Variants in ANKS1B observed in about 807,000 individuals in gnomAD.
ANKS1B encodes the protein ankyrin repeat and sterile alpha motif domain containing 1B, also known as ankyrin repeat and sterile alpha motif domain-containing protein 1B.
In ANKS1B, 36 loss-of-function variants were observed where a neutral mutation model predicts 148.3. The observed-to-expected ratio is 0.24, with a 90% CI of 0.19 to 0.32. ANKS1B has a LOEUF of 0.32. Among genes scored for constraint, ANKS1B ranks in the 10% least tolerant of loss-of-function variants. The pLI, the probability that ANKS1B is intolerant of heterozygous loss-of-function variation, is 1.00. For synonymous variants in ANKS1B, 542 were observed against 560.8 expected (o/e 0.97, Z 0.47); for missense variants, 1,157 against 1,542.6 (o/e 0.75, Z 4.19).
chr12:98,790,908 G>C (rs894406188), intron 22 of ANKS1B, among the ~76,000 whole-genome samples: 7 of 152,194 alleles, frequency 4.6e-5, no homozygotes, highest in Non-Finnish European at 8.8e-5. Flanking sequence ...ATCTTTCAGT[G>C]ATGTGAAGTA....
intron 11 of ANKS1B, among the ~76,000 whole-genome samples, chr12:99,411,515 T>C (rs1044517576): frequency 6.6e-6 from 1 of 152,204 alleles, no homozygotes; most frequent in African/African-American, 2.4e-5. Context: ...AATAAACATA[T>C]GAGTGCAGGT....
At chr12:99,003,921 T>TG (rs145018614) in intron 17 of ANKS1B, among the ~76,000 whole-genome samples, 2,062 of 152,266 alleles carry the variant, frequency 0.014, 44 homozygotes, top group African/African-American at 0.047. Context: ...CTCATGCTGC[T>TG]GGGGGATGGT....
chr12:98,966,176 T>C (rs1219570414), intron 17 of ANKS1B, among the ~76,000 whole-genome samples: 1 of 152,094 alleles, frequency 6.6e-6, no homozygotes, highest in Admixed American at 6.5e-5. Flanking sequence ...ATCCAGAATC[T>C]ACAAAGAACT....
chr12:98,839,119 C>T (rs1321792314), intron 17 of ANKS1B, among the ~76,000 whole-genome samples: 1 of 152,200 alleles, frequency 6.6e-6, no homozygotes, highest in Admixed American at 6.5e-5. Context: ...AAAGTCATGA[C>T]ATTTGGTTCT....
rs1186895656 is a variant in ANKS1B, at chr12:99,755,518, CA to C, written c.1128+17403del. ...TATGAGGCCAACATCATCCTGATAC[CA>C]AAACCTGGCAAAGATACCACAAAAA... is the stretch of plus-strand genomic sequence containing the variant. On this transcript the variant is annotated intron_variant, in intron 8 of 26. Transcript: ENST00000683438. Among the ~76,000 whole-genome samples, 15 of 148,442 alleles carry C rather than the reference CA, an allele frequency of 1.0e-4. No individual in the cohort carries two copies. In the Admixed American group the frequency reaches 1.0e-3, roughly 10 times the overall value.
intron 2 of ANKS1B, among the ~76,000 whole-genome samples, chr12:99,821,499 A>G (rs2082496130): frequency 6.6e-6 from 1 of 151,848 alleles, no homozygotes; most frequent in Admixed American, 6.6e-5. Context: ...GCCATGGGCC[A>G]TAGAAAAACA....
At chr12:99,745,226 A>G (rs1194855503) in intron 8 of ANKS1B, among the ~76,000 whole-genome samples, 1 of 152,170 alleles carries the variant, frequency 6.6e-6, no homozygotes, top group Non-Finnish European at 1.5e-5. Flanking sequence ...AATTGTGCAT[A>G]AGTGCACATG....
chr12:98,968,217 A>G (rs929256445), intron 17 of ANKS1B, among the ~76,000 whole-genome samples: 20 of 152,180 alleles, frequency 1.3e-4, no homozygotes, highest in Admixed American at 5.2e-4. Context: ...AGCCAGAGGT[A>G]AAAACAACAA....
chr12:99,718,190 G>A (rs908230919), intron 8 of ANKS1B, among the ~76,000 whole-genome samples: 16 of 152,186 alleles, frequency 1.1e-4, no homozygotes, highest in South Asian at 4.2e-4. Flanking sequence ...GTGAGCCACC[G>A]CGCCCAGCCG....
At chr12:98,759,278 A>C (rs1263893834) in intron 25 of ANKS1B, among the ~76,000 whole-genome samples, 1 of 152,158 alleles carries the variant, frequency 6.6e-6, no homozygotes, top group Non-Finnish European at 1.5e-5. Context: ...ACAGATATTT[A>C]CCAAGCTCCT....
chr12:99,666,854 T>TGG (rs34364839), intron 8 of ANKS1B, among the ~76,000 whole-genome samples: 1,898 of 118,942 alleles, frequency 0.016, 15 homozygotes, highest in Non-Finnish European at 0.023. Context: ...ATAGTTACTA[T>TGG]GGGGTGTGTG....
At chr12:99,234,934 G>A (rs946858443) in intron 14 of ANKS1B, among the ~76,000 whole-genome samples, 5 of 152,134 alleles carry the variant, frequency 3.3e-5, no homozygotes, top group African/African-American at 1.2e-4. Context: ...TAATGGCCAA[G>A]TGGAATGGTA....
chr12:99,508,903 T>C (rs1033786526), intron 9 of ANKS1B, among the ~76,000 whole-genome samples: 1 of 151,920 alleles, frequency 6.6e-6, no homozygotes, highest in Admixed American at 6.6e-5. Context: ...TAAAGATTTA[T>C]GGCAACCGGG....
chr12:99,298,143 G>A (rs73381192), intron 12 of ANKS1B, among the ~76,000 whole-genome samples: 372 of 152,214 alleles, frequency 2.4e-3, no homozygotes, highest in African/African-American at 8.4e-3. Flanking sequence ...TAAAGCTAAC[G>A]GGATGTATAA....
intron 8 of ANKS1B, among the ~76,000 whole-genome samples, chr12:99,661,516 G>A (rs563582659): frequency 1.3e-5 from 2 of 152,172 alleles, no homozygotes; most frequent in African/African-American, 4.8e-5. Context: ...TAAGCAACCC[G>A]ACCCTTGGTT....
chr12:99,257,238 C>T lies in ANKS1B; in HGVS notation c.1757-10374G>A, dbSNP rs373649386. ...CAGCCGGGGCAACACAGCGAGACTCCGTCTCAAAAAAAAAAAAATTATTTC... is the reference window on the plus strand; with the variant it reads ...CAGCCGGGGCAACACAGCGAGACTCTGTCTCAAAAAAAAAAAAATTATTTC... On this transcript the variant is annotated intron_variant, in intron 12 of 26. Coordinates refer to ENST00000683438, the MANE Select transcript of ANKS1B (RefSeq NM_001352186.2). Among the ~76,000 whole-genome samples, 183 of 150,952 alleles carry T rather than the reference C, an allele frequency of 1.2e-3. 1 individual carries two copies. Among genetic ancestry groups the T allele is most frequent in the African/African-American group, 4.1e-3 (169 of 40,928 alleles).
chr12:99,959,227 ATTTTTT>A (rs71088166), intron 1 of ANKS1B, among the ~76,000 whole-genome samples: 14 of 99,876 alleles, frequency 1.4e-4, no homozygotes, highest in Admixed American at 1.3e-4. Context: ...CACCCAGTTA[ATTTTTT>A]TTTTTTTTTT....
At chr12:99,522,225 G>A (rs1336675812) in intron 9 of ANKS1B, among the ~76,000 whole-genome samples, 1 of 152,056 alleles carries the variant, frequency 6.6e-6, no homozygotes, top group Non-Finnish European at 1.5e-5. Flanking sequence ...CTTGGTCTTT[G>A]ACAGTTCTCT....
At chr12:99,410,112 T>G (rs1451991142) in intron 11 of ANKS1B, among the ~76,000 whole-genome samples, 1 of 152,254 alleles carries the variant, frequency 6.6e-6, no homozygotes, top group African/African-American at 2.4e-5. Context: ...AGAATGGTTT[T>G]CACATTTTTT....
Sources: allele counts gnomAD v4.1 joint callset (sites outside exome capture counted in the v4.1 genomes callset), GRCh38; gene constraint gnomAD v4.1.1; transcripts MANE v1.5; gene names NCBI Gene and HGNC (gene_info 2026-07-23, HGNC 2026-07-21).